GRID2: variants seen among roughly 807,000 people sequenced by gnomAD.
GRID2 encodes glutamate receptor ionotropic, delta-2.
Under a neutral mutation model 114.8 loss-of-function variants are expected in GRID2, and 33 were observed. The ratio of observed to expected loss-of-function variants is 0.29; its 90% CI spans 0.22 to 0.38. The LOEUF is 0.38. GRID2 is among the 10% of genes least tolerant of loss of function. The pLI is 1.00. For missense variants in GRID2, 1,184 were observed against 1,257.7 expected (o/e 0.94, Z 0.89); for synonymous variants, 505 against 449.9 (o/e 1.12, Z -1.55).
intron 14 of GRID2, among the ~76,000 whole-genome samples, chr4:93,645,050 A>G (rs1329614257): frequency 6.6e-6 from 1 of 152,214 alleles, no homozygotes. Flanking sequence ...GCTGTTTGAT[A>G]AATATTAGCT....
At chr4:92,657,943 G>A (rs889749029) in intron 2 of GRID2, among the ~76,000 whole-genome samples, 14 of 129,136 alleles carry the variant, frequency 1.1e-4, no homozygotes, top group Non-Finnish European at 2.0e-4. Flanking sequence ...ACAGTGGTAG[G>A]AGAAAGAAGA....
chr4:92,573,747 T>C (rs1382181745), intron 1 of GRID2, among the ~76,000 whole-genome samples: 1 of 152,214 alleles, frequency 6.6e-6, no homozygotes, highest in Non-Finnish European at 1.5e-5. Context: ...TGATTGATTT[T>C]AGAGTAAGTG....
At chr4:92,982,022 T>TAAAAAAAAAAAAAAAAAAAAAAAAAAAAA (rs1161216679) in intron 2 of GRID2, among the ~76,000 whole-genome samples, 1 of 80,200 alleles carries the variant, frequency 1.2e-5, no homozygotes. Context: ...AAAGTACTGG[T>TAAAAAAAAAAAAAAAAAAAAAAAAAAAAA]AAAAAAAAAA....
At chr4:93,647,207 T>G (rs1365484229) in intron 14 of GRID2, among the ~76,000 whole-genome samples, 2 of 152,164 alleles carry the variant, frequency 1.3e-5, no homozygotes, top group Non-Finnish European at 2.9e-5. Context: ...CAGAAAAAGA[T>G]AGGCACCTTT....
At chr4:93,306,605 T>G (rs779359372) in intron 8 of GRID2, among the ~76,000 whole-genome samples, 4 of 152,312 alleles carry the variant, frequency 2.6e-5, no homozygotes, top group South Asian at 2.1e-4. Context: ...AGACTGATAA[T>G]TGTATACACT....
chr4:93,744,586 G>A (rs762635995), intron 14 of GRID2, among the ~76,000 whole-genome samples: 34 of 152,152 alleles, frequency 2.2e-4, no homozygotes, highest in Non-Finnish European at 4.3e-4. Flanking sequence ...AAACTTGAAC[G>A]GATGAGCAAA....
intron 2 of GRID2, among the ~76,000 whole-genome samples, chr4:92,695,118 TAC>T (rs1734363089): frequency 6.6e-6 from 1 of 151,830 alleles, no homozygotes; most frequent in Admixed American, 6.6e-5. Flanking sequence ...AGGTGCACAC[TAC>T]CACACCTAGC....
intron 2 of GRID2, among the ~76,000 whole-genome samples, chr4:92,785,893 T>C (rs17259489): frequency 0.33 from 50,234 of 151,568 alleles, 9,256 homozygotes; most frequent in Middle Eastern, 0.47. Flanking sequence ...TACCTGATCA[T>C]GGAAGCGTTT....
At chr4:92,491,749 G>T (rs902225327) in intron 1 of GRID2, among the ~76,000 whole-genome samples, 6 of 151,998 alleles carry the variant, frequency 3.9e-5, no homozygotes, top group African/African-American at 1.4e-4. Flanking sequence ...AATATTCTAT[G>T]ATTTCACTAT....
Position 92,975,156 on chromosome 4 carries a change from CAAAAA to C in GRID2, c.245-109822_245-109818del, listed in dbSNP as rs527770693. Among the ~76,000 whole-genome samples, 164 of 46,684 alleles carry C rather than the reference CAAAAA, an allele frequency of 3.5e-3. 2 individuals are homozygous for C. The highest frequency in any genetic ancestry group is 0.014 in the African/African-American group (143 of 10,200). The allele number at this position is 46,684 out of a possible 152,430, so 30.6% of individuals were successfully genotyped here. On this transcript the variant is annotated intron_variant, in intron 2 of 15. Transcript: ENST00000282020. ...TGGGCGACAGAGTGAGATTCCGCCT[CAAAAA>C]AAAAAAAAAAAAAAAAGGTGTTGAT...
At chr4:93,649,884 C>G (rs1423912755) in intron 14 of GRID2, among the ~76,000 whole-genome samples, 2 of 152,126 alleles carry the variant, frequency 1.3e-5, no homozygotes, top group Non-Finnish European at 2.9e-5. Flanking sequence ...ATGTGACTAG[C>G]TACATAGGTT....
At chr4:93,537,920 C>G (rs1386206068) in intron 13 of GRID2, among the ~76,000 whole-genome samples, 2 of 151,726 alleles carry the variant, frequency 1.3e-5, no homozygotes, top group East Asian at 3.9e-4. Context: ...AATGCAGTTA[C>G]TAAACAAATT....
chr4:92,738,784 TAA>T (rs1736726375), intron 2 of GRID2, among the ~76,000 whole-genome samples: 1 of 152,132 alleles, frequency 6.6e-6, no homozygotes, highest in Non-Finnish European at 1.5e-5. Context: ...CCTCAGTAGC[TAA>T]GACTAATGGC....
At chr4:93,331,847 A>C (rs976562211) in intron 8 of GRID2, among the ~76,000 whole-genome samples, 3 of 152,084 alleles carry the variant, frequency 2.0e-5, no homozygotes, top group Non-Finnish European at 4.4e-5. Flanking sequence ...AATAGTTGTA[A>C]AGAGACACAA....
At chr4:93,518,916 G>T (rs2149495448) in intron 13 of GRID2, among the ~76,000 whole-genome samples, 1 of 152,188 alleles carries the variant, frequency 6.6e-6, no homozygotes, top group Admixed American at 6.6e-5. Context: ...TATCAGAAGT[G>T]CAACAAGGTC....
chr4:93,219,493 C>A (rs1186021067), intron 6 of GRID2, among the ~76,000 whole-genome samples: 3 of 152,052 alleles, frequency 2.0e-5, no homozygotes, highest in East Asian at 3.9e-4. Context: ...ACTACTTTTG[C>A]GTTGAGGATT....
chr4:92,504,319 C>T (rs78072139), intron 1 of GRID2, among the ~76,000 whole-genome samples: 2,992 of 152,014 alleles, frequency 0.02, 101 homozygotes, highest in African/African-American at 0.068. Context: ...ACCCAAATTC[C>T]TAGAGGCCTC....
chr4:92,360,744 A>C (rs1335238175), intron 1 of GRID2, among the ~76,000 whole-genome samples: 1 of 151,876 alleles, frequency 6.6e-6, no homozygotes, highest in East Asian at 1.9e-4. Flanking sequence ...GGTATGGAAG[A>C]CCATATTGAG....
chr4:93,066,368 T>C (rs1249756371), intron 2 of GRID2, among the ~76,000 whole-genome samples: 1 of 152,106 alleles, frequency 6.6e-6, no homozygotes, highest in East Asian at 1.9e-4. Flanking sequence ...CTATAATTAC[T>C]ATTCCTGGAT....
Sources: gnomAD v4.1 joint callset for allele counts (sites outside exome capture counted in the v4.1 genomes callset) on GRCh38, gnomAD v4.1.1 for gene constraint, MANE v1.5 for transcripts, NCBI Gene and HGNC (gene_info 2026-07-23, HGNC 2026-07-21) for gene names.